The following ASZ1 variants were observed in gnomAD, a reference collection of about 807,000 sequenced individuals.
ASZ1 encodes the protein ankyrin repeat, SAM and basic leucine zipper domain-containing protein 1.
ASZ1 carries 67 observed loss-of-function variants against 61.8 expected under a neutral mutation model. The observed-to-expected ratio is 1.08, with a 90% CI of 0.89 to 1.33. The LOEUF is 1.33. Among genes scored for constraint, ASZ1 ranks in the 40% most tolerant of loss-of-function variants. ASZ1 has a pLI of 0.00. For missense variants in ASZ1, 577 were observed against 554.5 expected, an observed-to-expected ratio of 1.04 and a Z score of -0.41; for synonymous variants, 193 against 192.7, an observed-to-expected ratio of 1.00 and a Z score of -0.01.
intron 10 of ASZ1, among the ~76,000 whole-genome samples, chr7:117,372,420 A>G (rs1170605359): frequency 6.6e-6 from 1 of 152,084 alleles, no homozygotes; most frequent in Non-Finnish European, 1.5e-5. Context: ...TTCCCATGAG[A>G]TCAGTATGTC....
chr7:117,417,731 T>C (rs1186705043), intron 4 of ASZ1, among the ~76,000 whole-genome samples: 3 of 152,222 alleles, frequency 2.0e-5, no homozygotes, highest in African/African-American at 7.2e-5. Flanking sequence ...GCTTTGAGCA[T>C]TAAAAAAGAA....
chr7:117,402,489 C>G (rs930924883), intron 4 of ASZ1, among the ~76,000 whole-genome samples: 1 of 152,110 alleles, frequency 6.6e-6, no homozygotes. Context: ...GGACTAGAAC[C>G]CTAATGGCAC....
chr7:117,378,655 A>G (rs1460036268), intron 10 of ASZ1, among the ~76,000 whole-genome samples: 4 of 152,096 alleles, frequency 2.6e-5, no homozygotes, highest in African/African-American at 9.6e-5. Context: ...CCACCGTACA[A>G]CCTAACAATT....
chr7:117,420,049 T>C (rs1415820307), intron 4 of ASZ1, 114 bp downstream of exon 4: 7 of 672,166 alleles, frequency 1.0e-5, no homozygotes, highest in African/African-American at 1.8e-5. Context: ...TTATGAACTA[T>C]TTTCATTCAT....
At chr7:117,365,131 T>C (rs1026102280) in intron 12 of ASZ1, among the ~76,000 whole-genome samples, 14 of 152,192 alleles carry the variant, frequency 9.2e-5, no homozygotes, top group African/African-American at 3.4e-4. Flanking sequence ...ATTATGATGA[T>C]TACTACTTGT....
rs1278503456 is a variant in ASZ1 at position 117,427,435 on chromosome 7, A to G, written c.26T>C (p.Leu9Pro). Residue 9 changes from leucine (L) to proline (P), a missense_variant, in exon 1 of 13, where the codon CTG (leucine) becomes CCG (proline). Physicochemically the swap from Leu to Pro is moderately conservative, Grantham distance 98. Transcript: ENST00000284629. ...ACTCTCGCCTCCGCCAGCCACTGGC[A>G]GGCCTCGCAGCGCGCTCGCCGCCAT... The part of the protein sequence containing the change: MAASALRG[L>P]PVAGGGESSE... The G allele has an allele frequency of 6.2e-7, 1 of 1,613,898 alleles. No homozygotes were observed. Among genetic ancestry groups the G allele is most frequent in the Non-Finnish European group, 8.5e-7 (1 of 1,179,978 alleles).
At chr7:117,406,770 C>T (rs1379559777) in intron 4 of ASZ1, among the ~76,000 whole-genome samples, 2 of 151,010 alleles carry the variant, frequency 1.3e-5, no homozygotes, top group East Asian at 3.9e-4. Context: ...AAAAAAATAG[C>T]GATAGATTCA....
At chr7:117,395,402 A>G (rs996739789) in intron 4 of ASZ1, among the ~76,000 whole-genome samples, 1 of 152,176 alleles carries the variant, frequency 6.6e-6, no homozygotes, top group African/African-American at 2.4e-5. Context: ...AAGTCAAAAC[A>G]ATCTGTTTGG....
intron 4 of ASZ1, among the ~76,000 whole-genome samples, chr7:117,394,501 T>C (rs763598857): frequency 5.3e-5 from 8 of 152,214 alleles, no homozygotes; most frequent in Non-Finnish European, 1.2e-4. Context: ...TGTCTACATA[T>C]TTTAATTAAA....
At chr7:117,397,382 C>CA (rs1182911864) in intron 4 of ASZ1, among the ~76,000 whole-genome samples, 1 of 152,118 alleles carries the variant, frequency 6.6e-6, no homozygotes, top group Non-Finnish European at 1.5e-5. Context: ...CAAAGAAATA[C>CA]AAACAACTTA....
intron 6 of ASZ1, among the ~76,000 whole-genome samples, chr7:117,383,688 A>G (rs995243466): frequency 2.0e-5 from 3 of 152,078 alleles, no homozygotes; most frequent in Admixed American, 6.6e-5. Flanking sequence ...CAGCCAAAAT[A>G]CAAGATCAAA....
At position 117,383,033 on chromosome 7, in the gene ASZ1, A is replaced by G; in HGVS notation, c.765T>C (p.Cys255=). Residue 255 remains cysteine (C), a synonymous_variant, in exon 7 of 13, where the codon TGT becomes TGC. Transcript: ENST00000284629. ...LQQLTKEDTI[C]KILTTDSDRE... The stretch of plus-strand genomic sequence containing the variant: ...TATCAGAATCTGTTGTCAATATTTT[A>G]CAAATAGTGTCTTCTTTAGTTAGCT... The G allele has an allele frequency of 6.3e-7, 1 of 1,590,862 alleles. No individual in the cohort carries two copies. Among genetic ancestry groups the G allele is most frequent in the Non-Finnish European group, 8.5e-7 (1 of 1,170,494 alleles).
At chr7:117,402,143 G>A (rs1032886405) in intron 4 of ASZ1, among the ~76,000 whole-genome samples, 2 of 152,110 alleles carry the variant, frequency 1.3e-5, no homozygotes, top group Non-Finnish European at 2.9e-5. Context: ...AATTAAACCT[G>A]GCTCAGTGAC....
At chr7:117,378,020 T>C (rs1238002126) in intron 10 of ASZ1, among the ~76,000 whole-genome samples, 1 of 152,004 alleles carries the variant, frequency 6.6e-6, no homozygotes, top group Non-Finnish European at 1.5e-5. Context: ...CTAAACCTCA[T>C]AACTTTACAA....
chr7:117,422,905 C>T (rs1331492481), intron 2 of ASZ1, among the ~76,000 whole-genome samples: 1 of 152,126 alleles, frequency 6.6e-6, no homozygotes, highest in South Asian at 2.1e-4. Flanking sequence ...CAGGAACTGA[C>T]ATCATTACAT....
At chr7:117,408,801 GA>G (rs1040249529) in intron 4 of ASZ1, among the ~76,000 whole-genome samples, 1 of 150,776 alleles carries the variant, frequency 6.6e-6, no homozygotes, top group East Asian at 1.9e-4. Flanking sequence ...TGCAGGGTAG[GA>G]AAAAAAAATG....
intron 9 of ASZ1, among the ~76,000 whole-genome samples, chr7:117,380,710 T>C (rs1203089248): frequency 4.0e-5 from 6 of 151,814 alleles, no homozygotes; most frequent in Non-Finnish European, 5.9e-5. Context: ...CTCTTATTTG[T>C]AAGTGCCCCA....
intron 10 of ASZ1, among the ~76,000 whole-genome samples, chr7:117,379,160 T>TACACAC (rs1562847682): frequency 1.8e-5 from 1 of 56,444 alleles, no homozygotes; most frequent in African/African-American, 1.2e-4. Flanking sequence ...TATATATATA[T>TACACAC]ATATATATAC....
intron 4 of ASZ1, among the ~76,000 whole-genome samples, chr7:117,392,935 C>T (rs534593874): frequency 2.0e-4 from 30 of 151,770 alleles, no homozygotes; most frequent in African/African-American, 6.8e-4. Context: ...CAACCTTTGC[C>T]TCCCAGGTTC....
Sources: allele counts gnomAD v4.1 joint callset (sites outside exome capture counted in the v4.1 genomes callset), GRCh38; gene constraint gnomAD v4.1.1; transcripts MANE v1.5; gene names NCBI Gene and HGNC (gene_info 2026-07-23, HGNC 2026-07-21).